The following ANK2 variants were observed in gnomAD, a reference collection of about 807,000 sequenced individuals.
ANK2 encodes ankyrin-2.
A neutral mutation model predicts 360.5 loss-of-function variants in ANK2; 83 were observed. The observed-to-expected ratio is 0.23, with a 90% CI of 0.19 to 0.28. The LOEUF (loss-of-function observed/expected upper bound fraction) is 0.28. ANK2 is among the 10% of genes least tolerant of loss of function. The probability of loss-of-function intolerance (pLI) is 1.00; values close to 1 mark genes in which losing one functional copy is unlikely to be tolerated. For missense variants in ANK2, 4,201 were observed against 4,795.7 expected, an observed-to-expected ratio of 0.88 and a Z score of 3.66; for synonymous variants, 1,740 against 1,759.5, an observed-to-expected ratio of 0.99 and a Z score of 0.28.
At chr4:112,712,434 G>A in the ANK2 span, among the ~76,000 whole-genome samples, 2 of 122,690 alleles carry the variant, frequency 1.6e-5, no homozygotes, top group African/African-American at 6.1e-5. Context: ...TTGAGATGGA[G>A]TTTCGCTCTG....
At chr4:112,792,091 G>C in the ANK2 span, among the ~76,000 whole-genome samples, 3 of 139,600 alleles carry the variant, frequency 2.1e-5, no homozygotes, top group Non-Finnish European at 4.5e-5. Context: ...GCCCAGGCTG[G>C]AGTGCAATGG....
intron 1 of ANK2, among the ~76,000 whole-genome samples, chr4:113,145,031 A>G (rs2096777878): frequency 6.6e-6 from 1 of 152,068 alleles, no homozygotes; most frequent in South Asian, 2.1e-4. Context: ...GTTGAAAGCC[A>G]TCTTGATTAT....
chr4:113,330,367 C>G lies in ANK2; in HGVS notation c.3022C>G (p.Leu1008Val), dbSNP rs745943720. The change falls in exon 27 of 46, where the codon CTG (leucine) becomes GTG (valine). Residue 1008 changes from leucine to valine, a missense_variant. Leu to Val is a conservative substitution (Grantham distance 32). Around this residue, in one of 4 missense-constraint regions of ANK2, gnomAD observed 1,268 missense variants for 1,650.8 expected, o/e 0.77. Coordinates refer to ENST00000357077, the MANE Select transcript of ANK2 (RefSeq NM_001148.6). ...CTAPTRVTCR[L>V]VKRHRLATMP... Reference sequence around the variant, plus strand: ...TGCTCCAACGCGAGTCACCTGCCGACTGGTCAAGCGCCACAGACTGGCAAC... The same window carrying G: ...TGCTCCAACGCGAGTCACCTGCCGAGTGGTCAAGCGCCACAGACTGGCAAC... The G allele has an allele frequency of 1.9e-6, 3 of 1,614,252 alleles. No individual in the cohort carries two copies. The Admixed American group carries it at 5.0e-5, about 27-fold the overall frequency.
the ANK2 span, chr4:112,738,769 G>A: frequency 6.4e-6 from 4 of 620,242 alleles, no homozygotes; most frequent in Middle Eastern, 2.7e-4. Flanking sequence ...AAAATGAAGC[G>A]TAACTGGTGG....
intron 2 of ANK2, among the ~76,000 whole-genome samples, chr4:112,909,875 C>T (rs1181386802): frequency 2.0e-5 from 3 of 152,054 alleles, no homozygotes; most frequent in Non-Finnish European, 4.4e-5. Flanking sequence ...TTCTTCCTTT[C>T]CCACAATTTC....
rs142477908 is a variant in ANK2 at position 112,901,779 on chromosome 4, C to T, written c.-39-2676C>T. Reference sequence around the variant, plus strand: ...AGGAAGGAGGCTGAGGCAGGAGAATCGCTTAAACCCAGGAGGCAGAGGTTG... The same window carrying T: ...AGGAAGGAGGCTGAGGCAGGAGAATTGCTTAAACCCAGGAGGCAGAGGTTG... On this transcript the variant is annotated intron_variant, in intron 1 of 30. Coordinates refer to the ANK2 transcript ENST00000503271. Among the ~76,000 whole-genome samples the T allele has an allele frequency of 1.7e-3, 264 of 151,510 alleles. 1 individual carries two copies. Among genetic ancestry groups the T allele is most frequent in the African/African-American group, 6.2e-3 (255 of 41,302 alleles).
chr4:112,745,182 A>G, the ANK2 span, among the ~76,000 whole-genome samples: 10 of 152,252 alleles, frequency 6.6e-5, no homozygotes, highest in Non-Finnish European at 1.2e-4. Flanking sequence ...AAAGTATTAC[A>G]TACATTCACC....
At chr4:112,948,148 G>A (rs993956223) in intron 2 of ANK2, among the ~76,000 whole-genome samples, 1 of 152,142 alleles carries the variant, frequency 6.6e-6, no homozygotes, top group African/African-American at 2.4e-5. Flanking sequence ...TTTGTAGGTT[G>A]TGGGTAATTT....
intron 14 of ANK2, 102 bp from the exon 15 acceptor site, chr4:113,274,350 C>T (rs1176449889): frequency 3.0e-6 from 4 of 1,311,826 alleles, no homozygotes; most frequent in Non-Finnish European, 4.4e-6. Context: ...GGGTGGGGTT[C>T]CTAGAGATTC....
At chr4:113,055,926 T>A (rs1327703082) in intron 1 of ANK2, among the ~76,000 whole-genome samples, 4 of 152,202 alleles carry the variant, frequency 2.6e-5, no homozygotes, top group Non-Finnish European at 5.9e-5. Flanking sequence ...TTTGCGTCAG[T>A]TGATCACATT....
rs749639153 is a variant in ANK2, at chr4:113,249,835, G to C, written c.963G>C (p.Arg321=). The change falls in exon 10 of 46, where the codon CGG becomes CGC. Residue 321 remains arginine (R), a synonymous_variant. Coordinates refer to ENST00000357077, the MANE Select transcript of ANK2 (RefSeq NM_001148.6). ...AAGTGGTGGAACTTCTGTTGGAACG[G>C]GGTGCCCCCTTGCTGGCAAGGACTA... ...HDQVVELLLE[R]GAPLLARTKN... The C allele has an allele frequency of 1.9e-6, 3 of 1,614,152 alleles. No individual in the cohort carries two copies. Among genetic ancestry groups the C allele is most frequent in the Non-Finnish European group, 2.5e-6 (3 of 1,180,034 alleles).
At position 113,021,528 on chromosome 4, in the gene ANK2, A is replaced by C. The variant is rs1258174641; in HGVS notation, c.21+117014A>C. Among the ~76,000 whole-genome samples the C allele has an allele frequency of 1.1e-4, 7 of 63,242 alleles. 1 individual carries two copies. Among genetic ancestry groups the C allele is most frequent in the South Asian group, 6.8e-4 (1 of 1,464 alleles). 41.5% of individuals were successfully genotyped at this position (63,242 alleles called of 152,430 possible). ...ATTATGTGTATATATACACACACACACCCACACACAAACATATATATATAT... is the reference window on the plus strand; with the variant it reads ...ATTATGTGTATATATACACACACACCCCCACACACAAACATATATATATAT... On this transcript the variant is annotated intron_variant, in intron 2 of 30. Transcript: ENST00000503271.
At chr4:112,918,452 C>T (rs1267866172) in intron 2 of ANK2, among the ~76,000 whole-genome samples, 2 of 152,180 alleles carry the variant, frequency 1.3e-5, no homozygotes, top group Non-Finnish European at 2.9e-5. Flanking sequence ...CACCCACTCT[C>T]ACTCTGAAAG....
At chr4:112,841,075 GT>G (rs1400562791) in intron 1 of ANK2, among the ~76,000 whole-genome samples, 3 of 152,134 alleles carry the variant, frequency 2.0e-5, no homozygotes, top group Non-Finnish European at 4.4e-5. Context: ...GGTTTCTTCT[GT>G]TTTAGAGAAG....
intron 2 of ANK2, among the ~76,000 whole-genome samples, chr4:112,982,992 G>C (rs926745459): frequency 1.3e-5 from 2 of 152,062 alleles, no homozygotes; most frequent in Non-Finnish European, 2.9e-5. Flanking sequence ...ATACACCATG[G>C]CAACCAGTGC....
intron 1 of ANK2, among the ~76,000 whole-genome samples, chr4:113,156,009 C>T (rs10031464): frequency 0.68 from 104,148 of 152,102 alleles, 36,233 homozygotes; most frequent in African/African-American, 0.8. Context: ...ACTTTCAATG[C>T]CTACAGTGTG....
the ANK2 span, chr4:112,797,756 A>ATTGTATTTCATACTCACGGACAACTTCAG: frequency 6.0e-6 from 1 of 167,660 alleles, no homozygotes; most frequent in Admixed American, 5.9e-5. Flanking sequence ...GACAACTTCA[A>ATTGTATTTCATACTCACGGACAACTTCAG]GATTGTATTT....
At chr4:113,138,168 T>G (rs2096509767) in intron 1 of ANK2, among the ~76,000 whole-genome samples, 1 of 152,192 alleles carries the variant, frequency 6.6e-6, no homozygotes, top group South Asian at 2.1e-4. Context: ...TCTAAAGAGA[T>G]CCTGAAATAA....
chr4:112,911,188 C>CTT (rs751581640), intron 2 of ANK2, among the ~76,000 whole-genome samples: 33,568 of 73,886 alleles, frequency 0.45, 9,482 homozygotes, highest in African/African-American at 0.72. Flanking sequence ...CAAGATGGTG[C>CTT]TTTTTTTTTT....
Sources: gnomAD v4.1 joint callset for allele counts (sites outside exome capture counted in the v4.1 genomes callset) on GRCh38, gnomAD v4.1.1 for gene constraint, gnomAD v4.1.1 regional missense constraint, MANE v1.5 for transcripts, NCBI Gene and HGNC (gene_info 2026-07-23, HGNC 2026-07-21) for gene names.